Variants in LRCH4 observed in about 807,000 individuals in gnomAD.
LRCH4 encodes leucine-rich repeat and calponin homology domain-containing protein 4.
In LRCH4, 56 loss-of-function variants were observed where a neutral mutation model predicts 81.2. That is an observed-to-expected ratio of 0.69 (90% CI 0.56 to 0.86). The LOEUF (loss-of-function observed/expected upper bound fraction) is 0.86, where lower values mean the gene tolerates loss of function less well. Among genes scored for constraint, LRCH4 ranks in the 40% least tolerant of loss-of-function variants. The pLI is 0.00. For missense variants in LRCH4, 895 were observed against 922.8 expected (o/e 0.97, Z 0.39); for synonymous variants, 442 against 409.7 (o/e 1.08, Z -0.95).
In LRCH4 at chr7:100,582,287, CCA is replaced by C. The variant is rs1801583294; in HGVS notation, c.365+26_365+27del. 1 of 1,613,886 alleles carries C rather than the reference CCA, an allele frequency of 6.2e-7. No homozygotes were observed. Among genetic ancestry groups the C allele is most frequent in the South Asian group, 1.1e-5 (1 of 91,090 alleles). On this transcript the variant is annotated intron_variant, in intron 2 of 17. Transcript: ENST00000310300. The surrounding 1 kb of genome is among the most constrained non-coding windows in gnomAD (Gnocchi z 5.0). ...ACTTGAGACTGAGAAGCACACGCTC[CCA>C]CGTGGCCCTGGCTCGGCCTCCCTAC...
At position 100,575,744 on chromosome 7, in the gene LRCH4, C is replaced by T. The variant is rs759798186; in HGVS notation, c.1815G>A (p.Glu605=). The T allele has an allele frequency of 5.6e-6, 9 of 1,613,554 alleles. No homozygotes were observed. The East Asian group carries it at 1.3e-4, about 24-fold the overall frequency. Residue 605 remains glutamate, a synonymous_variant, in exon 17 of 18, where the codon GAG becomes GAA. Coordinates refer to ENST00000310300, the MANE Select transcript of LRCH4 (RefSeq NM_002319.5). The surrounding 1 kb of genome is among the most constrained non-coding windows in gnomAD (Gnocchi z 5.3). The part of the protein sequence containing the change: ...LSALKARKNV[E]SFLEACRKMG... ...TTTTTCGACAGGCTTCTAGAAAACT[C>T]TCCACATTCTTCCGAGCCTTGAGGG...
chr7:100,585,823 C>G (rs1368293378), intron 1 of LRCH4, 58 bp downstream of exon 1: 1 of 1,448,266 alleles, frequency 6.9e-7, no homozygotes, highest in Non-Finnish European at 9.1e-7. Flanking sequence ...GGGCGGGGCC[C>G]GGGGTGGGGC....
rs1801568682 is a variant in LRCH4 at position 100,581,827 on chromosome 7, G to A, written c.548C>T (p.Ser183Phe). 15 of 1,614,202 alleles carry A rather than the reference G, an allele frequency of 9.3e-6. No individual in the cohort carries two copies. Among genetic ancestry groups the A allele is most frequent in the Non-Finnish European group, 1.3e-5 (15 of 1,180,036 alleles). ...CCTCCGGACATTGAGGTCCCGCAGG[G>A]AAGAGAGGCCACACAGTTCCGAGGG... ...SLPSELCGLSSLRDLNVRRNQ... is the reference protein window; with the variant it reads ...SLPSELCGLSFLRDLNVRRNQ... Residue 183 changes from serine to phenylalanine, a missense_variant, in exon 4 of 18, where the codon TCC becomes TTC. Ser to Phe is a radical substitution (Grantham distance 155, BLOSUM62 -2). This residue lies in a region of LRCH4 where 360 missense variants were observed against 397.0 expected (regional missense o/e 0.91). Coordinates refer to ENST00000310300, the MANE Select transcript of LRCH4 (RefSeq NM_002319.5).
At position 100,582,194 on chromosome 7, in the gene LRCH4, T is replaced by C; in HGVS notation, c.366-27A>G. 1 of 1,613,444 alleles carries C rather than the reference T, an allele frequency of 6.2e-7. No homozygotes were observed. The highest frequency in any genetic ancestry group is 8.5e-7 in the Non-Finnish European group (1 of 1,179,898). ...TGTGGAAGGGAGAAAGGCAGCGGACTGGCTCCCCAGGCATGGCATCCCAGC... is the reference window on the plus strand; with the variant it reads ...TGTGGAAGGGAGAAAGGCAGCGGACCGGCTCCCCAGGCATGGCATCCCAGC... On this transcript the variant is annotated intron_variant, in intron 2 of 17. Coordinates refer to ENST00000310300, the MANE Select transcript of LRCH4 (RefSeq NM_002319.5). This position sits in a 1 kb window ranked among gnomAD's most constrained non-coding sequence, Gnocchi z 5.0.
At position 100,575,352 on chromosome 7, in the gene LRCH4, C is replaced by A; in HGVS notation, c.1855-48G>T. On this transcript the variant is annotated intron_variant, in intron 17 of 17. Transcript: ENST00000310300. The surrounding 1 kb of genome is among the most constrained non-coding windows in gnomAD (Gnocchi z 5.3). ...GACAAGGACAAGGGACAGACGTCAGCAGCAGCAGCAGGACAGTCCCTCCCA... is the reference window on the plus strand; with the variant it reads ...GACAAGGACAAGGGACAGACGTCAGAAGCAGCAGCAGGACAGTCCCTCCCA... 6.8e-7 allele frequency: 1 copy of A among 1,470,884 alleles called. No homozygotes were observed. The highest frequency in any genetic ancestry group is 9.2e-7 in the Non-Finnish European group (1 of 1,092,340). 91.1% of individuals were successfully genotyped at this position (1,470,884 alleles called of 1,614,324 possible).
At position 100,586,076 on chromosome 7, in the gene LRCH4, G is replaced by A. The variant is rs768841691; in HGVS notation, c.25C>T (p.Leu9Phe). 10 of 1,548,740 alleles carry A rather than the reference G, an allele frequency of 6.5e-6. No individual in the cohort carries two copies. The highest frequency in any genetic ancestry group is 4.9e-5 in the East Asian group (2 of 40,624). Residue 9 changes from leucine (L) to phenylalanine (F), a missense_variant, in exon 1 of 18, where the codon CTC (leucine) becomes TTC (phenylalanine). Leu to Phe is a conservative substitution (Grantham distance 22, BLOSUM62 0). Coordinates refer to ENST00000310300, the MANE Select transcript of LRCH4 (RefSeq NM_002319.5). Reference sequence around the variant, plus strand: ...GCCGCCTCCTCACCCCCGGCGGCGAGTGGAGCCGCTACGGCCGCCGCCATC... The same window carrying A: ...GCCGCCTCCTCACCCCCGGCGGCGAATGGAGCCGCTACGGCCGCCGCCATC... MAAAVAAPLAAGGEEAAAT... is the reference protein window; with the variant it reads MAAAVAAPFAAGGEEAAAT...
intron 1 of LRCH4, 45 bp downstream of exon 1, chr7:100,585,836 T>C (rs767190051): frequency 6.6e-7 from 1 of 1,507,456 alleles, no homozygotes; most frequent in East Asian, 2.5e-5. Context: ...GGTGGGGCTA[T>C]GCAAATGAGG....
Position 100,583,396 on chromosome 7 carries a change from T to C in LRCH4, c.221-937A>G, listed in dbSNP as rs1167086631. Among the ~76,000 whole-genome samples the C allele has an allele frequency of 1.3e-5, 2 of 152,094 alleles. No homozygotes were observed. Among genetic ancestry groups the C allele is most frequent in the Non-Finnish European group, 2.9e-5 (2 of 68,000 alleles). ...CTGTAGCACGGACCCACTAACGGCT[T>C]AGACCTGGAGAAGCCTGCCTTTCTG... On this transcript the variant is annotated intron_variant, in intron 1 of 17. Transcript: ENST00000310300. The surrounding 1 kb of genome is among the most constrained non-coding windows in gnomAD (Gnocchi z 4.3).
In LRCH4 at chr7:100,582,461, T is replaced by C. The variant is rs762690280; in HGVS notation, c.221-2A>G. The C allele has an allele frequency of 6.2e-7, 1 of 1,606,504 alleles. No homozygotes were observed. The highest frequency in any genetic ancestry group is 1.1e-5 in the South Asian group (1 of 91,048). Reference sequence around the variant, plus strand: ...CGGGAAACCGGTTCCGGGACAGGTCTGGGGAAAAGGAGGTGTCGGGGAGAG... The same window carrying C: ...CGGGAAACCGGTTCCGGGACAGGTCCGGGGAAAAGGAGGTGTCGGGGAGAG... On this transcript the variant is annotated splice_acceptor_variant, in intron 1 of 17. Coordinates refer to ENST00000310300, the MANE Select transcript of LRCH4 (RefSeq NM_002319.5). LOFTEE classifies it high-confidence loss of function. The surrounding 1 kb of genome is among the most constrained non-coding windows in gnomAD (Gnocchi z 5.0).
chr7:100,580,591 CCTA>C (rs1801509240), intron 4 of LRCH4: 1 of 151,356 alleles, frequency 6.6e-6, no homozygotes, highest in African/African-American at 2.4e-5. Context: ...ACAACACAGA[CCTA>C]AACACACACA....
intron 4 of LRCH4, chr7:100,579,804 T>C (rs1312728635): frequency 1.3e-5 from 2 of 152,114 alleles, no homozygotes; most frequent in South Asian, 2.1e-4. Flanking sequence ...ATTTTCCCCA[T>C]CCATGCATCT....
intron 4 of LRCH4, chr7:100,579,182 T>C (rs1801460333): frequency 4.7e-6 from 1 of 214,722 alleles, no homozygotes; most frequent in African/African-American, 2.3e-5. Flanking sequence ...CAACCAGGGC[T>C]GCAGATGTTG....
rs1399991042 is a variant in LRCH4, at chr7:100,578,012, GC to G, written c.949-101del. The G allele has an allele frequency of 3.1e-6, 4 of 1,308,572 alleles. No homozygotes were observed. In the East Asian group the frequency reaches 7.3e-5, roughly 24 times the overall value. 81.1% of individuals were successfully genotyped at this position (1,308,572 alleles called of 1,614,324 possible). The stretch of plus-strand genomic sequence containing the variant: ...GGACTAAGCTCAGGGTCTCTGCTGA[GC>G]CAGCCCTTCCCTGGGATGCTGGGCA... On this transcript the variant is annotated intron_variant, in intron 7 of 17. Transcript: ENST00000310300. The surrounding 1 kb of genome is among the most constrained non-coding windows in gnomAD (Gnocchi z 5.7).
At position 100,578,216 on chromosome 7, in the gene LRCH4, C is replaced by T. The variant is rs1801431374; in HGVS notation, c.891G>A (p.Gly297=). 1 of 1,614,250 alleles carries T rather than the reference C, an allele frequency of 6.2e-7. No homozygotes were observed. The highest frequency in any genetic ancestry group is 8.5e-7 in the Non-Finnish European group (1 of 1,180,036). The stretch of plus-strand genomic sequence containing the variant: ...CAACGCTGTGGAAGCCTGAGTCCAG[C>T]CCACCATCGTACCGATGTCCCGGAA... ...DLFPGHRYDG[G]LDSGFHSVDS... The change falls in exon 7 of 18, where the codon GGG becomes GGA. Residue 297 remains glycine (G), a synonymous_variant. Transcript: ENST00000310300. The surrounding 1 kb of genome is among the most constrained non-coding windows in gnomAD (Gnocchi z 5.7).
At chr7:100,585,833 C>T in intron 1 of LRCH4, 48 bp downstream of exon 1, 2 of 1,501,392 alleles carry the variant, frequency 1.3e-6, no homozygotes, top group South Asian at 1.3e-5. Flanking sequence ...CGGGGTGGGG[C>T]TATGCAAATG....
In LRCH4 at chr7:100,584,898, G is replaced by C. The variant is rs1228041346; in HGVS notation, c.220+983C>G. 1.5e-5 allele frequency: 6 copies of C among 409,556 alleles called. No individual in the cohort carries two copies. The East Asian group carries it at 4.3e-4, about 29-fold the overall frequency. 25.4% of individuals were successfully genotyped at this position (409,556 alleles called of 1,614,324 possible). A position where few individuals can be genotyped will look rare whatever the true frequency, so the allele number is the denominator to read the frequency against. ...GCTGGGGTGAGGCTTCGGGAATGCA[G>C]TCCTCCTCCCTGATCCTGATCCCCA... On this transcript the variant is annotated intron_variant, in intron 1 of 17. Coordinates refer to ENST00000310300, the MANE Select transcript of LRCH4 (RefSeq NM_002319.5).
At chr7:100,581,299 C>T (rs1211971416) in intron 4 of LRCH4, among the ~76,000 whole-genome samples, 1 of 152,202 alleles carries the variant, frequency 6.6e-6, no homozygotes, top group African/African-American at 2.4e-5. Flanking sequence ...TTATATACTG[C>T]AAAAGCCTGG....
At position 100,577,803 on chromosome 7, in the gene LRCH4, G is replaced by A. The variant is rs559379657; in HGVS notation, c.1039+19C>T. 14 of 1,613,884 alleles carry A rather than the reference G, an allele frequency of 8.7e-6. No individual in the cohort carries two copies. Among genetic ancestry groups the A allele is most frequent in the South Asian group, 3.3e-5 (3 of 91,074 alleles). On this transcript the variant is annotated intron_variant, in intron 8 of 17. Transcript: ENST00000310300. This position sits in a 1 kb window ranked among gnomAD's most constrained non-coding sequence, Gnocchi z 6.7. ...CAGGCCCTGGTCCAGCCCAGCTCCC[G>A]GCCAGCCCTGCTACTCACCTGAGCC...
chr7:100,576,948 G>A lies in LRCH4; in HGVS notation c.1422C>T (p.Pro474=), dbSNP rs762248289. 10 of 1,578,332 alleles carry A rather than the reference G, an allele frequency of 6.3e-6. No individual in the cohort carries two copies. Among genetic ancestry groups the A allele is most frequent in the Admixed American group, 5.5e-5 (3 of 54,846 alleles). ...GCTCTTGGGAGGCAGGGGCAGGGGC[G>A]GGGGCTCCCTGCCCCGCTGCAGCCC... ...QAGAAAGQGA[P]APAPASQEPL... Residue 474 remains proline, a synonymous_variant, in exon 13 of 18, where the codon CCC becomes CCT. Coordinates refer to ENST00000310300, the MANE Select transcript of LRCH4 (RefSeq NM_002319.5).
Sources: allele counts gnomAD v4.1 joint callset (sites outside exome capture counted in the v4.1 genomes callset), GRCh38; gene constraint gnomAD v4.1.1; regional missense constraint gnomAD v4.1.1; non-coding constraint Gnocchi (gnomAD v3.1); transcripts MANE v1.5; gene names NCBI Gene and HGNC (gene_info 2026-07-23, HGNC 2026-07-21).